ENAH: variants seen among roughly 807,000 people sequenced by gnomAD.
ENAH encodes ENAH actin regulator.
Under a neutral mutation model 78.7 loss-of-function variants are expected in ENAH, and 23 were observed. The ratio of observed to expected loss-of-function variants is 0.29; its 90% CI spans 0.21 to 0.41. ENAH has a LOEUF of 0.41. Ranked by LOEUF, ENAH falls within the 10% of genes least tolerant of loss-of-function variation. The pLI, the probability that ENAH is intolerant of heterozygous loss-of-function variation, is 1.00. For missense variants in ENAH, 544 were observed against 691.0 expected (o/e 0.79, Z 2.39); for synonymous variants, 226 against 241.0 (o/e 0.94, Z 0.58).
chr1:225,540,534 T>C (rs927840972), intron 3 of ENAH, among the ~76,000 whole-genome samples: 8 of 152,114 alleles, frequency 5.3e-5, no homozygotes, highest in Admixed American at 3.3e-4. Flanking sequence ...GCAGTGAAGA[T>C]AGGGCAATTC....
At chr1:225,632,230 G>C (rs1317878074) in intron 1 of ENAH, among the ~76,000 whole-genome samples, 1 of 152,138 alleles carries the variant, frequency 6.6e-6, no homozygotes, top group Non-Finnish European at 1.5e-5. Context: ...TGGGTGCAGG[G>C]GCTCACACCT....
At chr1:225,652,652 G>T in intron 1 of ENAH, 34 bp downstream of exon 1, 1 of 1,266,894 alleles carries the variant, frequency 7.9e-7, no homozygotes, top group South Asian at 2.7e-5. Context: ...GCGGCACAAT[G>T]GCCCGCCCGG....
At chr1:225,521,052 G>A (rs1028815455) in intron 4 of ENAH, among the ~76,000 whole-genome samples, 9 of 150,728 alleles carry the variant, frequency 6.0e-5, no homozygotes, top group Non-Finnish European at 3.0e-5. Context: ...ACACACGCAC[G>A]CGCGCGCACA....
At position 225,570,856 on chromosome 1, in the gene ENAH, G is replaced by A. The variant is rs555752046; in HGVS notation, c.6-3442C>T. Among the ~76,000 whole-genome samples, 83 of 152,104 alleles carry A rather than the reference G, an allele frequency of 5.5e-4. No homozygotes were observed. The South Asian group carries it at 0.016, about 30-fold the overall frequency. On this transcript the variant is annotated intron_variant, in intron 1 of 13. Coordinates refer to ENST00000366843, the MANE Select transcript of ENAH (RefSeq NM_018212.6). ...CGAGCACCTGTAATCCCAGCTACTCGGGAGGCTGAGGTAGGAGAATCGCTT... is the reference window on the plus strand; with the variant it reads ...CGAGCACCTGTAATCCCAGCTACTCAGGAGGCTGAGGTAGGAGAATCGCTT...
chr1:225,509,330 G>A (rs1383016451), intron 10 of ENAH, among the ~76,000 whole-genome samples: 2 of 152,200 alleles, frequency 1.3e-5, no homozygotes, highest in Non-Finnish European at 2.9e-5. Flanking sequence ...GTGGAAGGAT[G>A]AGGGAGTAAT....
At chr1:225,500,075 T>A (rs972095432) in intron 12 of ENAH, among the ~76,000 whole-genome samples, 1 of 152,182 alleles carries the variant, frequency 6.6e-6, no homozygotes. Flanking sequence ...GTGGAAGTGC[T>A]CTATTTTAAA....
intron 1 of ENAH, among the ~76,000 whole-genome samples, chr1:225,575,934 C>T (rs888393572): frequency 3.3e-5 from 5 of 152,066 alleles, no homozygotes; most frequent in Admixed American, 1.3e-4. Context: ...CTTTTCTGAC[C>T]TCCAATGCCC....
rs554070012 is a variant in ENAH at position 225,520,560 on chromosome 1, A to T, written c.435-995T>A. The stretch of plus-strand genomic sequence containing the variant: ...AAATCTGCTTTCCTTTCTCTCACTT[A>T]ATATATTGTGAAAGTTGGTCTGGGA... On this transcript the variant is annotated intron_variant, in intron 4 of 13. Coordinates refer to ENST00000366843, the MANE Select transcript of ENAH (RefSeq NM_018212.6). Among the ~76,000 whole-genome samples, 3 of 152,184 alleles carry T rather than the reference A, an allele frequency of 2.0e-5. No individual in the cohort carries two copies. The South Asian group carries it at 6.2e-4, about 32-fold the overall frequency.
chr1:225,637,015 A>T (rs954202111), intron 1 of ENAH, among the ~76,000 whole-genome samples: 1 of 152,186 alleles, frequency 6.6e-6, no homozygotes, highest in Non-Finnish European at 1.5e-5. Context: ...GAATAAAAGT[A>T]ATGAAACCGC....
At chr1:225,614,367 T>C (rs1375386885) in intron 1 of ENAH, among the ~76,000 whole-genome samples, 1 of 152,138 alleles carries the variant, frequency 6.6e-6, no homozygotes, top group African/African-American at 2.4e-5. Flanking sequence ...CCAATACTAA[T>C]ATTTTAAAGG....
At chr1:225,530,907 T>G (rs1039283033) in intron 3 of ENAH, 16 of 419,146 alleles carry the variant, frequency 3.8e-5, no homozygotes, top group Middle Eastern at 6.1e-4. Context: ...AGAGCTTGAG[T>G]AAAACAAGTG....
At chr1:225,562,369 G>A (rs938142246) in intron 2 of ENAH, among the ~76,000 whole-genome samples, 1 of 151,308 alleles carries the variant, frequency 6.6e-6, no homozygotes, top group Admixed American at 6.6e-5. Context: ...TCAGGAGATC[G>A]AGACCATCCT....
At chr1:225,541,035 GAT>G (rs1443946082) in intron 3 of ENAH, among the ~76,000 whole-genome samples, 1 of 152,198 alleles carries the variant, frequency 6.6e-6, no homozygotes, top group East Asian at 1.9e-4. Context: ...AATCTTCAGT[GAT>G]AGAAATTATG....
At chr1:225,502,363 C>A (rs1202006090) in intron 11 of ENAH, among the ~76,000 whole-genome samples, 3 of 152,046 alleles carry the variant, frequency 2.0e-5, no homozygotes. Context: ...AGGTGCACCA[C>A]AATGCCTGGC....
At chr1:225,602,977 A>G (rs1296596979) in intron 1 of ENAH, among the ~76,000 whole-genome samples, 1 of 150,592 alleles carries the variant, frequency 6.6e-6, no homozygotes, top group Non-Finnish European at 1.5e-5. Context: ...ATCAACCTCA[A>G]AAAAAAAAAT....
rs559435663 is a variant in ENAH, at chr1:225,592,153, G to T, written c.6-24739C>A. 2.6e-5 allele frequency among the ~76,000 whole-genome samples: 4 copies of T among 152,328 alleles called. No individual in the cohort carries two copies. The East Asian group carries it at 7.7e-4, about 29-fold the overall frequency. On this transcript the variant is annotated intron_variant, in intron 1 of 13. Transcript: ENST00000366843. The stretch of plus-strand genomic sequence containing the variant: ...GAGCAGCAACAGTATTTTGGTAAAT[G>T]GAGATTGCAAATAAATAAATCTAGC...
At chr1:225,645,462 G>A (rs1473433288) in intron 1 of ENAH, among the ~76,000 whole-genome samples, 1 of 152,140 alleles carries the variant, frequency 6.6e-6, no homozygotes. Flanking sequence ...GGTTATTTCT[G>A]CTTTTTGGCT....
Position 225,516,641 on chromosome 1 carries a change from G to A in ENAH, c.913+555C>T, listed in dbSNP as rs145057797. Among the ~76,000 whole-genome samples, 278 of 152,188 alleles carry A rather than the reference G, an allele frequency of 1.8e-3. 2 individuals are homozygous for A. The East Asian group carries it at 0.022, about 12-fold the overall frequency. ...GTAATCCTAGCAACTTTGGGAGGCC[G>A]AAGGGGCAGATCACATGAGGTCAGG... On this transcript the variant is annotated intron_variant, in intron 6 of 13. Transcript: ENST00000366843.
chr1:225,503,762 CATT>C (rs1281044143), intron 11 of ENAH, among the ~76,000 whole-genome samples: 1 of 149,450 alleles, frequency 6.7e-6, no homozygotes. Flanking sequence ...GTATTTTGAT[CATT>C]AATAGCATAA....
Sources: gnomAD v4.1 joint callset for allele counts (sites outside exome capture counted in the v4.1 genomes callset) on GRCh38, gnomAD v4.1.1 for gene constraint, MANE v1.5 for transcripts, NCBI Gene and HGNC (gene_info 2026-07-23, HGNC 2026-07-21) for gene names.